The following GRM7 variants were observed in gnomAD, a reference collection of about 807,000 sequenced individuals.
GRM7 encodes metabotropic glutamate receptor 7.
In GRM7, 35 loss-of-function variants were observed where a neutral mutation model predicts 84.5. That is an observed-to-expected ratio of 0.41 (90% confidence interval 0.32 to 0.55). The LOEUF (loss-of-function observed/expected upper bound fraction) is 0.55. Ranked by LOEUF, GRM7 falls within the 20% of genes least tolerant of loss-of-function variation. The pLI is 0.19. For missense variants in GRM7, 1,003 were observed against 1,194.6 expected (o/e 0.84, Z 2.36); for synonymous variants, 487 against 455.1 (o/e 1.07, Z -0.89).
intron 4 of GRM7, among the ~76,000 whole-genome samples, chr3:7,375,359 C>T (rs751736286): frequency 1.3e-5 from 2 of 151,904 alleles, no homozygotes; most frequent in Admixed American, 6.6e-5. Context: ...GCTGGGACTA[C>T]AGGCGTGCGC....
At chr3:7,035,474 A>T (rs888893686) in intron 1 of GRM7, among the ~76,000 whole-genome samples, 5 of 152,084 alleles carry the variant, frequency 3.3e-5, no homozygotes, top group African/African-American at 9.7e-5. Flanking sequence ...AGAGTGAGAG[A>T]ATACTATTTC....
chr3:6,923,779 T>C (rs1235494915), intron 1 of GRM7, among the ~76,000 whole-genome samples: 3 of 152,192 alleles, frequency 2.0e-5, no homozygotes, highest in Admixed American at 6.5e-5. Flanking sequence ...AATTTCATTT[T>C]GTCATGATGT....
intron 8 of GRM7, among the ~76,000 whole-genome samples, chr3:7,664,315 C>T (rs1301997466): frequency 1.3e-5 from 2 of 152,060 alleles, no homozygotes; most frequent in Admixed American, 6.5e-5. Context: ...ATCTTTTGTC[C>T]TCTCCATAAT....
intron 8 of GRM7, among the ~76,000 whole-genome samples, chr3:7,615,244 C>G (rs866691049): frequency 2.3e-4 from 35 of 151,742 alleles, no homozygotes; most frequent in South Asian, 1.0e-3. Context: ...GTGTCACTGT[C>G]TTTCATCATC....
chr3:6,988,965 C>A (rs747413597), intron 1 of GRM7, among the ~76,000 whole-genome samples: 1 of 152,092 alleles, frequency 6.6e-6, no homozygotes, highest in Non-Finnish European at 1.5e-5. Context: ...AATAAATAAA[C>A]CCTCCTATTT....
Position 6,861,916 on chromosome 3 carries a change from G to A in GRM7, c.519+9G>A, listed in dbSNP as rs1377900381. 4.4e-6 allele frequency: 7 copies of A among 1,599,712 alleles called. No individual in the cohort carries two copies. In the Admixed American group the frequency reaches 1.2e-4, roughly 27 times the overall value. On this transcript the variant is annotated intron_variant, in intron 1 of 9. Transcript: ENST00000357716. The surrounding 1 kb of genome is among the most constrained non-coding windows in gnomAD (Gnocchi z 6.4). ...TCCTGAGGCTCTTCCAGGTAGGGAT[G>A]CGCTCCCTCCGGGGCGGAGCACACA...
intron 4 of GRM7, among the ~76,000 whole-genome samples, chr3:7,360,155 G>A (rs76354722): frequency 0.36 from 51,662 of 144,496 alleles, 11,704 homozygotes; most frequent in East Asian, 0.55. Flanking sequence ...GTGTGTGTGT[G>A]TGTGTGTGTG....
intron 1 of GRM7, among the ~76,000 whole-genome samples, chr3:7,021,728 T>C (rs1217367147): frequency 6.6e-6 from 1 of 152,252 alleles, no homozygotes; most frequent in Non-Finnish European, 1.5e-5. Flanking sequence ...GAATTATTAA[T>C]GATCTTGTAT....
At chr3:7,673,517 TAAAA>T (rs35955518) in intron 8 of GRM7, among the ~76,000 whole-genome samples, 6 of 141,526 alleles carry the variant, frequency 4.2e-5, no homozygotes, top group Admixed American at 7.0e-5. Flanking sequence ...CAGTGACAGT[TAAAA>T]AAAAAAAAAA....
chr3:7,159,884 A>C (rs974398537), intron 2 of GRM7, among the ~76,000 whole-genome samples: 3 of 152,158 alleles, frequency 2.0e-5, no homozygotes, highest in Admixed American at 6.6e-5. Flanking sequence ...ATGAGGACTT[A>C]TTTATTTAAA....
At chr3:6,994,260 G>A (rs1694752483) in intron 1 of GRM7, among the ~76,000 whole-genome samples, 1 of 152,136 alleles carries the variant, frequency 6.6e-6, no homozygotes, top group South Asian at 2.1e-4. Flanking sequence ...CAGAGACTTT[G>A]ATGGTGAAGG....
chr3:6,905,557 C>A (rs1273004393), intron 1 of GRM7, among the ~76,000 whole-genome samples: 1 of 123,556 alleles, frequency 8.1e-6, no homozygotes, highest in Non-Finnish European at 1.6e-5. Context: ...TTCTTTGAAA[C>A]CTTATCCCTT....
chr3:7,466,511 G>A (rs1484516117), intron 7 of GRM7, among the ~76,000 whole-genome samples: 1 of 152,194 alleles, frequency 6.6e-6, no homozygotes, highest in Non-Finnish European at 1.5e-5. Context: ...GATGTTGTAA[G>A]TAAAATATAT....
At chr3:7,629,227 AG>A (rs1458305029) in intron 8 of GRM7, among the ~76,000 whole-genome samples, 1 of 152,194 alleles carries the variant, frequency 6.6e-6, no homozygotes, top group Non-Finnish European at 1.5e-5. Flanking sequence ...TGTAATAGAT[AG>A]TACTATATAA....
chr3:7,353,371 C>T (rs1359086374), intron 4 of GRM7, among the ~76,000 whole-genome samples: 2 of 152,016 alleles, frequency 1.3e-5, no homozygotes, highest in African/African-American at 4.8e-5. Context: ...AAAGTTGGAT[C>T]AGGCTAAATG....
intron 1 of GRM7, among the ~76,000 whole-genome samples, chr3:7,130,495 A>G (rs552622729): frequency 6.6e-6 from 1 of 151,486 alleles, no homozygotes; most frequent in East Asian, 1.9e-4. Flanking sequence ...GGGAGCCGAG[A>G]TCGCACCATT....
At chr3:7,548,984 C>A (rs1301238831) in intron 7 of GRM7, among the ~76,000 whole-genome samples, 1 of 152,170 alleles carries the variant, frequency 6.6e-6, no homozygotes, top group Non-Finnish European at 1.5e-5. Flanking sequence ...GTGTCTTACT[C>A]AGTTTTCCCA....
Position 7,146,339 on chromosome 3 carries a change from A to G in GRM7, c.520-113A>G, listed in dbSNP as rs3749451. ...ATTACATGGTGGTGTTTGGCAAAAC[A>G]TGTATCTCCTTTGCAGCTCAAACCC... On this transcript the variant is annotated intron_variant, in intron 1 of 9. Transcript: ENST00000357716. The G allele has an allele frequency of 3.1e-4, 250 of 804,744 alleles. 1 individual carries two copies. The East Asian group carries it at 5.8e-3, about 19-fold the overall frequency. 49.9% of individuals were successfully genotyped at this position (804,744 alleles called of 1,614,324 possible). A position where few individuals can be genotyped will look rare whatever the true frequency, so the allele number is the denominator to read the frequency against.
At chr3:7,668,635 G>T (rs1009147153) in intron 8 of GRM7, among the ~76,000 whole-genome samples, 3 of 152,222 alleles carry the variant, frequency 2.0e-5, no homozygotes, top group African/African-American at 7.2e-5. Context: ...ACTGGGTGGG[G>T]TAGAAGAACA....
Sources: allele counts gnomAD v4.1 joint callset (sites outside exome capture counted in the v4.1 genomes callset), GRCh38; gene constraint gnomAD v4.1.1; non-coding constraint Gnocchi (gnomAD v3.1); transcripts MANE v1.5; gene names NCBI Gene and HGNC (gene_info 2026-07-23, HGNC 2026-07-21).